The following CD33 variants were observed in gnomAD, a reference collection of about 807,000 sequenced individuals.
The protein encoded by CD33 is myeloid cell surface antigen CD33.
A neutral mutation model predicts 31.4 loss-of-function variants in CD33; 25 were observed. That is an observed-to-expected ratio of 0.80 (90% CI 0.58 to 1.11). The LOEUF (loss-of-function observed/expected upper bound fraction) is 1.11. CD33 is among the 50% of genes most tolerant of loss of function. The pLI is 0.00. For synonymous variants in CD33, 176 were observed against 180.6 expected, an observed-to-expected ratio of 0.97 and a Z score of 0.20; for missense variants, 407 against 448.1, an observed-to-expected ratio of 0.91 and a Z score of 0.83.
chr19:51,226,723 G>A (rs1981065054), intron 4 of CD33, among the ~76,000 whole-genome samples: 1 of 151,698 alleles, frequency 6.6e-6, no homozygotes, highest in Non-Finnish European at 1.5e-5. Context: ...ATTGTTGTTG[G>A]GAACATTCAA....
Position 51,225,811 on chromosome 19 carries a change from C to A in CD33, c.427C>A (p.His143Asn), listed in dbSNP as rs1295092119. 8 of 1,613,568 alleles carry A rather than the reference C, an allele frequency of 5.0e-6. No homozygotes were observed. The highest frequency in any genetic ancestry group is 8.5e-7 in the Non-Finnish European group (1 of 1,179,680). ...CTCTTTCTCCTCACTAGACTTGACC[C>A]ACAGGCCCAAAATCCTCATCCCTGG... is the stretch of plus-strand genomic sequence containing the variant. ...QLSVHVTDLT[H>N]RPKILIPGTL... Residue 143 changes from histidine to asparagine, a missense_variant, in exon 3 of 7, where the codon CAC becomes AAC. Transcript: ENST00000262262.
chr19:51,226,139 T>C, intron 3 of CD33, 58 bp downstream of exon 3: 1 of 1,588,512 alleles, frequency 6.3e-7, no homozygotes, highest in Non-Finnish European at 8.6e-7. Flanking sequence ...CAGGATGGGC[T>C]GGTGCTGGGG....
At chr19:51,226,267 T>C (rs1388588763) in intron 3 of CD33, 42 bp from the exon 4 acceptor site, 1 of 1,594,060 alleles carries the variant, frequency 6.3e-7, no homozygotes, top group East Asian at 2.2e-5. Context: ...CCTTATCTCA[T>C]CTCTACCCCC....
chr19:51,229,388 T>C (rs1033605107), intron 4 of CD33, among the ~76,000 whole-genome samples: 1 of 152,166 alleles, frequency 6.6e-6, no homozygotes, highest in African/African-American at 2.4e-5. Context: ...TTTGGTGTCA[T>C]GGTTATGCTG....
In CD33 at chr19:51,239,576, C is replaced by T. The variant is rs1982029671; in HGVS notation, c.983C>T (p.Ala328Val). 4.3e-6 allele frequency: 7 copies of T among 1,613,558 alleles called. No homozygotes were observed. In the East Asian group the frequency reaches 1.6e-4, roughly 36 times the overall value. The change falls in exon 7 of 7, where the codon GCC becomes GTC. Residue 328 changes from alanine (A) to valine (V), a missense_variant. Ala to Val is a moderately conservative substitution (Grantham distance 64). Coordinates refer to ENST00000262262, the MANE Select transcript of CD33 (RefSeq NM_001772.4). ...GPTETSSCSG[A>V]APTVEMDEEL... is the part of the protein sequence containing the mutation. ...ACTGAAACCTCAAGCTGTTCAGGTG[C>T]CGCCCCTACTGTGGAGATGGATGAG...
At chr19:51,226,262 T>C in intron 3 of CD33, 47 bp from the exon 4 acceptor site, 1 of 1,578,728 alleles carries the variant, frequency 6.3e-7, no homozygotes, top group South Asian at 1.1e-5. Flanking sequence ...CCTACCCTTA[T>C]CTCATCTCTA....
the CD33 span, among the ~76,000 whole-genome samples, chr19:51,219,997 G>C: frequency 6.6e-6 from 1 of 152,140 alleles, no homozygotes; most frequent in Admixed American, 6.5e-5. Flanking sequence ...TTTTCTCATT[G>C]TGTCCTTGCT....
chr19:51,219,681 T>G, the CD33 span, among the ~76,000 whole-genome samples: 1 of 152,222 alleles, frequency 6.6e-6, no homozygotes, highest in Non-Finnish European at 1.5e-5. Flanking sequence ...TGGCTCTTAT[T>G]ATTTTGAGAT....
At chr19:51,218,932 TG>T in the CD33 span, among the ~76,000 whole-genome samples, 1 of 152,236 alleles carries the variant, frequency 6.6e-6, no homozygotes. Flanking sequence ...TATAGCCTTG[TG>T]GCATAATTTG....
upstream of CD33, among the ~76,000 whole-genome samples, chr19:51,220,507 C>T (rs146916542): frequency 1.4e-3 from 219 of 152,266 alleles, 1 homozygote; most frequent in African/African-American, 5.1e-3. Context: ...CACATGGCCT[C>T]GCCTCCTTCT....
chr19:51,226,002 C>T lies in CD33; in HGVS notation c.618C>T (p.His206=), dbSNP rs367580347. ...VLIITPRPQD[H]GTNLTCQVKF... Reference sequence around the variant, plus strand: ...TAATCACCCCACGGCCCCAGGACCACGGCACCAACCTGACCTGTCAGGTGA... The same window carrying T: ...TAATCACCCCACGGCCCCAGGACCATGGCACCAACCTGACCTGTCAGGTGA... Residue 206 remains histidine (H), a synonymous_variant, in exon 3 of 7, where the codon CAC becomes CAT. Transcript: ENST00000262262. The T allele has an allele frequency of 7.5e-5, 121 of 1,613,964 alleles. No individual in the cohort carries two copies. Among genetic ancestry groups the T allele is most frequent in the Admixed American group, 1.0e-4 (6 of 59,982 alleles).
At chr19:51,214,615 A>T in the CD33 span, among the ~76,000 whole-genome samples, 1 of 152,082 alleles carries the variant, frequency 6.6e-6, no homozygotes, top group Non-Finnish European at 1.5e-5. Context: ...GGTCTTATTG[A>T]TTATTTATAT....
chr19:51,223,712 G>A (rs866902233), upstream of CD33, among the ~76,000 whole-genome samples: 3 of 152,214 alleles, frequency 2.0e-5, no homozygotes, highest in African/African-American at 7.2e-5. Flanking sequence ...CATAGAACAT[G>A]TGTTCTCCCT....
At chr19:51,215,877 C>T in the CD33 span, among the ~76,000 whole-genome samples, 14 of 152,306 alleles carry the variant, frequency 9.2e-5, no homozygotes, top group African/African-American at 3.1e-4. Flanking sequence ...ACCATCCTCA[C>T]CTTTTGCCTC....
the CD33 span, among the ~76,000 whole-genome samples, chr19:51,216,560 T>TTTTGGTTATTTG: frequency 6.6e-6 from 1 of 151,282 alleles, no homozygotes; most frequent in African/African-American, 2.4e-5. Context: ...AATCAAAAAT[T>TTTTGGTTATTTG]AGGTGGGCAT....
chr19:51,235,876 T>G, intron 6 of CD33, 200 bp downstream of exon 6: 1 of 709,854 alleles, frequency 1.4e-6, no homozygotes, highest in Non-Finnish European at 2.6e-6. Flanking sequence ...GATAGTTTCT[T>G]GGCCGGGCAC....
chr19:51,235,009 T>A, intron 4 of CD33, 148 bp from the exon 5 acceptor site: 1 of 632,698 alleles, frequency 1.6e-6, no homozygotes, highest in South Asian at 1.9e-5. Flanking sequence ...ATGGTCGTGG[T>A]CAATATTGAT....
At chr19:51,233,335 A>C (rs1981553703) in intron 4 of CD33, among the ~76,000 whole-genome samples, 2 of 152,176 alleles carry the variant, frequency 1.3e-5, no homozygotes, top group Non-Finnish European at 2.9e-5. Context: ...GTGGGACTAT[A>C]AGACCTTTCC....
At chr19:51,211,868 G>C in the CD33 span, 6 of 1,340,712 alleles carry the variant, frequency 4.5e-6, no homozygotes, top group East Asian at 1.4e-4. Flanking sequence ...CCTGCTCTGT[G>C]CCCTCGGCCT....
Sources: allele counts gnomAD v4.1 joint callset (sites outside exome capture counted in the v4.1 genomes callset), GRCh38; gene constraint gnomAD v4.1.1; transcripts MANE v1.5; gene names NCBI Gene and HGNC (gene_info 2026-07-23, HGNC 2026-07-21).